INO80D: variants seen among roughly 807,000 people sequenced by gnomAD.
INO80D encodes INO80 complex subunit D.
Under a neutral mutation model 87.6 loss-of-function variants are expected in INO80D, and 21 were observed. That is an observed-to-expected ratio of 0.24 (90% CI 0.17 to 0.35). INO80D has a LOEUF of 0.35. Ranked by LOEUF, INO80D falls within the 10% of genes least tolerant of loss-of-function variation. INO80D has a pLI of 1.00. For missense variants in INO80D, 982 were observed against 1,280.7 expected (o/e 0.77, Z 3.56); for synonymous variants, 440 against 491.0 (o/e 0.90, Z 1.37).
rs1687994549 is a variant in INO80D, at chr2:206,005,271, A to T, written c.2181T>A (p.Ser727=). The T allele has an allele frequency of 6.2e-7, 1 of 1,613,940 alleles. No individual in the cohort carries two copies. Among genetic ancestry groups the T allele is most frequent in the Admixed American group, 1.7e-5 (1 of 60,012 alleles). ...GCAGGTTCTCATCCAGCTCTAGACT[A>T]GAAAAATTATCATGTACTATACGCC... ...LNGRIVHDNF[S]SLELDENLLR... The change falls in exon 11 of 11, where the codon TCT becomes TCA. Residue 727 remains serine, a synonymous_variant. Coordinates refer to ENST00000403263, the MANE Select transcript of INO80D (RefSeq NM_017759.5).
intron 4 of INO80D, 22 bp downstream of exon 4, chr2:206,056,176 T>C (rs1307103881): frequency 1.3e-6 from 2 of 1,545,032 alleles, no homozygotes; most frequent in Non-Finnish European, 8.7e-7. Context: ...GTGTCTATGA[T>C]ACGATAAAAT....
chr2:206,056,109 T>C (rs1689510001), intron 4 of INO80D, 89 bp downstream of exon 4: 1 of 1,235,698 alleles, frequency 8.1e-7, no homozygotes, highest in Non-Finnish European at 1.1e-6. Context: ...CCCCATCACA[T>C]ATGGGGTAAT....
Position 206,003,236 on chromosome 2 carries a change from T to C in INO80D, c.*1132A>G, listed in dbSNP as rs1687936420. 1 of 152,216 alleles carries C rather than the reference T, an allele frequency of 6.6e-6. No homozygotes were observed. The highest frequency in any genetic ancestry group is 2.1e-4 in the South Asian group (1 of 4,836). 9.4% of individuals were successfully genotyped at this position (152,216 alleles called of 1,614,324 possible). ...ACAACTGGTACACTGATTCTACAAG[T>C]GTCTTAACATTTTACAAATCTTACC... On this transcript the variant is annotated 3_prime_UTR_variant, in exon 11 of 11. Transcript: ENST00000403263.
chr2:206,051,245 C>T lies in INO80D; in HGVS notation c.965-4633G>A, dbSNP rs182100425. ...TTTTCTTTTCTTTTCTTTTTTTTTT[C>T]AGAGACGGGGTCTCAGCTCTGTCGC... On this transcript the variant is annotated intron_variant, in intron 4 of 10. Coordinates refer to ENST00000403263, the MANE Select transcript of INO80D (RefSeq NM_017759.5). 1.3e-4 allele frequency among the ~76,000 whole-genome samples: 19 copies of T among 149,186 alleles called. No individual in the cohort carries two copies. In the East Asian group the frequency reaches 3.5e-3, roughly 28 times the overall value.
At chr2:206,007,462 G>A (rs1321216804) in intron 9 of INO80D, 21 bp from the exon 10 acceptor site, 1 of 1,591,808 alleles carries the variant, frequency 6.3e-7, no homozygotes, top group South Asian at 1.2e-5. Flanking sequence ...GGACACTGTT[G>A]GTCCCATAAC....
At chr2:206,032,135 A>C (rs1396899627) in intron 5 of INO80D, among the ~76,000 whole-genome samples, 1 of 152,224 alleles carries the variant, frequency 6.6e-6, no homozygotes, top group East Asian at 1.9e-4. Context: ...AGGGAGAAGG[A>C]AATCTCCAGC....
chr2:206,032,359 G>A (rs758339485), intron 5 of INO80D, among the ~76,000 whole-genome samples: 2 of 152,150 alleles, frequency 1.3e-5, no homozygotes, highest in Non-Finnish European at 2.9e-5. Flanking sequence ...TGGTGGGAGT[G>A]AAACCAGCCC....
At chr2:206,061,031 A>C (rs976225143) in intron 3 of INO80D, among the ~76,000 whole-genome samples, 3 of 150,872 alleles carry the variant, frequency 2.0e-5, no homozygotes, top group Non-Finnish European at 4.4e-5. Context: ...CTTTTTTTTT[A>C]GATAGGGGGT....
intron 6 of INO80D, among the ~76,000 whole-genome samples, chr2:206,020,421 T>C (rs975352109): frequency 2.0e-5 from 3 of 152,124 alleles, no homozygotes; most frequent in African/African-American, 7.2e-5. Flanking sequence ...TCGCCACCAT[T>C]AGGAATTGAT....
At chr2:206,008,477 C>T (rs1010432812) in intron 9 of INO80D, among the ~76,000 whole-genome samples, 2 of 150,154 alleles carry the variant, frequency 1.3e-5, no homozygotes, top group Admixed American at 1.3e-4. Context: ...GATAGGGTTT[C>T]ACCATCTTGG....
Position 206,019,780 on chromosome 2 carries a change from T to A in INO80D, c.1364A>T (p.Gln455Leu). 1 of 1,613,910 alleles carries A rather than the reference T, an allele frequency of 6.2e-7. No individual in the cohort carries two copies. The change falls in exon 7 of 11, where the codon CAG (glutamine) becomes CTG (leucine). Residue 455 changes from glutamine to leucine, a missense_variant. Physicochemically the swap from Gln to Leu is moderately radical, Grantham distance 113. Transcript: ENST00000403263. ...GAATGGAAGGGCTTTGTTAGCGCACTGTTCACCCTTCACGGTTCCACTGCA... is the reference window on the plus strand; with the variant it reads ...GAATGGAAGGGCTTTGTTAGCGCACAGTTCACCCTTCACGGTTCCACTGCA... ...AACSGTVKGEQCANKALPFTR... is the reference protein window; with the variant it reads ...AACSGTVKGELCANKALPFTR...
At chr2:206,052,491 C>G (rs547017631) in intron 4 of INO80D, among the ~76,000 whole-genome samples, 1 of 152,146 alleles carries the variant, frequency 6.6e-6, no homozygotes, top group Non-Finnish European at 1.5e-5. Context: ...CCACACCCAG[C>G]CTTCATCATC....
intron 8 of INO80D, among the ~76,000 whole-genome samples, chr2:206,016,713 T>C (rs1179153384): frequency 6.6e-6 from 1 of 152,210 alleles, no homozygotes; most frequent in East Asian, 1.9e-4. Context: ...GGGAGACGAC[T>C]GAATTATGGG....
chr2:206,062,769 C>A lies in INO80D; in HGVS notation c.218+30G>T, dbSNP rs181050832. On this transcript the variant is annotated intron_variant, in intron 3 of 10. Coordinates refer to ENST00000403263, the MANE Select transcript of INO80D (RefSeq NM_017759.5). The surrounding 1 kb of genome is among the most constrained non-coding windows in gnomAD (Gnocchi z 4.6). ...AAAATTCCAAGCCTGTTAATGAAAT[C>A]AAGGATTGATTCTCATGATTAGCCC... The A allele has an allele frequency of 2.3e-3, 3,558 of 1,552,330 alleles. 12 individuals are homozygous for A. The highest frequency in any genetic ancestry group is 2.2e-3 in the Non-Finnish European group (2,517 of 1,147,278).
At chr2:206,035,493 AAC>A (rs1450747086) in intron 5 of INO80D, among the ~76,000 whole-genome samples, 7 of 152,304 alleles carry the variant, frequency 4.6e-5, no homozygotes, top group African/African-American at 1.7e-4. Context: ...GTGGAAAAAG[AAC>A]ACCCTTTCAA....
At chr2:206,061,759 T>C (rs909271591) in intron 3 of INO80D, among the ~76,000 whole-genome samples, 2 of 152,230 alleles carry the variant, frequency 1.3e-5, no homozygotes, top group Non-Finnish European at 2.9e-5. Context: ...GTGTAAAAAG[T>C]ATTCATGACA....
intron 10 of INO80D, 87 bp from the exon 11 acceptor site, chr2:206,005,620 T>C (rs1688003047): frequency 2.8e-6 from 3 of 1,074,046 alleles, no homozygotes; most frequent in South Asian, 3.3e-5. Flanking sequence ...TTTTAAACAA[T>C]ATTCGATTTA....
chr2:206,071,926 T>C (rs1320914041), intron 1 of INO80D, among the ~76,000 whole-genome samples: 4 of 152,004 alleles, frequency 2.6e-5, no homozygotes, highest in Non-Finnish European at 4.4e-5. Context: ...AATTTAGGCT[T>C]TACTTCTCTT....
At chr2:206,066,385 G>A (rs1476908612) in intron 1 of INO80D, among the ~76,000 whole-genome samples, 1 of 152,198 alleles carries the variant, frequency 6.6e-6, no homozygotes, top group East Asian at 1.9e-4. Flanking sequence ...GCACTCCCAT[G>A]TTTATCAAAG....
Sources: gnomAD v4.1 joint callset for allele counts (sites outside exome capture counted in the v4.1 genomes callset) on GRCh38, gnomAD v4.1.1 for gene constraint, Gnocchi (gnomAD v3.1) non-coding constraint, MANE v1.5 for transcripts, NCBI Gene and HGNC (gene_info 2026-07-23, HGNC 2026-07-21) for gene names.